The following ERBB4 variants were observed in gnomAD, a reference collection of about 807,000 sequenced individuals.
The protein encoded by ERBB4 is receptor tyrosine-protein kinase erbB-4.
In ERBB4, 42 loss-of-function variants were observed where a neutral mutation model predicts 158.0. The observed-to-expected ratio is 0.27, with a 90% confidence interval of 0.21 to 0.34. The LOEUF is 0.34. Ranked by LOEUF, ERBB4 falls within the 10% of genes least tolerant of loss-of-function variation. ERBB4 has a pLI of 1.00. For synonymous variants in ERBB4, 583 were observed against 558.7 expected (o/e 1.04, Z -0.61); for missense variants, 1,333 against 1,624.1 (o/e 0.82, Z 3.08).
chr2:212,432,099 T>C (rs1329545227), intron 1 of ERBB4, among the ~76,000 whole-genome samples: 1 of 152,196 alleles, frequency 6.6e-6, no homozygotes, highest in Non-Finnish European at 1.5e-5. Context: ...GACCTCACTG[T>C]CATTTTGTAA....
At chr2:211,400,071 A>C (rs1403100751) in intron 25 of ERBB4, among the ~76,000 whole-genome samples, 2 of 152,186 alleles carry the variant, frequency 1.3e-5, no homozygotes, top group Non-Finnish European at 2.9e-5. Flanking sequence ...AAAATTACAG[A>C]GTATGAGTCT....
chr2:212,055,601 A>T (rs2077537710), intron 2 of ERBB4, among the ~76,000 whole-genome samples: 2 of 152,226 alleles, frequency 1.3e-5, no homozygotes, highest in South Asian at 4.1e-4. Flanking sequence ...ACAATCAGGC[A>T]GCAACGTTTG....
chr2:211,616,651 T>C (rs1229251402), intron 19 of ERBB4, among the ~76,000 whole-genome samples: 2 of 152,158 alleles, frequency 1.3e-5, no homozygotes, highest in African/African-American at 4.8e-5. Context: ...CTGCATTAGA[T>C]ACTAAATTCA....
chr2:212,353,058 C>G (rs1049648948), intron 1 of ERBB4, among the ~76,000 whole-genome samples: 2 of 151,978 alleles, frequency 1.3e-5, no homozygotes, highest in East Asian at 3.9e-4. Context: ...ATACTGGAAA[C>G]TTTCCCTACC....
intron 3 of ERBB4, among the ~76,000 whole-genome samples, chr2:211,913,768 G>T (rs2079607773): frequency 6.6e-6 from 1 of 150,926 alleles, no homozygotes. Flanking sequence ...AAAAATGAAA[G>T]AACTGAATGC....
At chr2:211,608,998 T>C (rs949307146) in intron 19 of ERBB4, among the ~76,000 whole-genome samples, 1 of 152,068 alleles carries the variant, frequency 6.6e-6, no homozygotes, top group Non-Finnish European at 1.5e-5. Flanking sequence ...GAGAACCATT[T>C]TACTAACTAT....
intron 1 of ERBB4, among the ~76,000 whole-genome samples, chr2:212,366,653 A>G (rs2089900216): frequency 6.6e-6 from 1 of 152,032 alleles, no homozygotes; most frequent in South Asian, 2.1e-4. Flanking sequence ...ACAATCACCA[A>G]TAAAACATAA....
chr2:211,627,075 T>C (rs1201985167), intron 17 of ERBB4, among the ~76,000 whole-genome samples: 1 of 152,124 alleles, frequency 6.6e-6, no homozygotes, highest in Non-Finnish European at 1.5e-5. Context: ...TTCACGGCAA[T>C]GAGCCTTCCC....
At chr2:211,808,345 G>T (rs755818701) in intron 3 of ERBB4, among the ~76,000 whole-genome samples, 1 of 152,032 alleles carries the variant, frequency 6.6e-6, no homozygotes, top group Admixed American at 6.6e-5. Context: ...TTCTACATAT[G>T]GCTAGCCAGT....
At chr2:211,659,944 AG>A (rs1233323594) in intron 15 of ERBB4, among the ~76,000 whole-genome samples, 1 of 152,132 alleles carries the variant, frequency 6.6e-6, no homozygotes. Context: ...TAACCCTCTT[AG>A]GGGAGGTAAG....
At chr2:212,415,144 G>C (rs1057284871) in intron 1 of ERBB4, among the ~76,000 whole-genome samples, 1 of 152,052 alleles carries the variant, frequency 6.6e-6, no homozygotes, top group African/African-American at 2.4e-5. Flanking sequence ...CGTCACTTAC[G>C]TACTTTGGTA....
chr2:212,460,398 G>C (rs1688510582), intron 1 of ERBB4, among the ~76,000 whole-genome samples: 1 of 152,182 alleles, frequency 6.6e-6, no homozygotes, highest in Admixed American at 6.5e-5. Flanking sequence ...GGAAAGTTTG[G>C]AACTTCGTAG....
intron 1 of ERBB4, among the ~76,000 whole-genome samples, chr2:212,269,895 G>A (rs1342208180): frequency 1.3e-5 from 2 of 151,778 alleles, no homozygotes; most frequent in African/African-American, 2.4e-5. Flanking sequence ...GTAACACCAA[G>A]TGCCTCTAAG....
intron 11 of ERBB4, 52 bp from the exon 12 acceptor site, chr2:211,702,218 AATAAG>A: frequency 7.7e-7 from 1 of 1,302,628 alleles, no homozygotes; most frequent in Non-Finnish European, 1.1e-6. Flanking sequence ...TCCGGAGTAA[AATAAG>A]GCTGTCACAT....
chr2:211,960,710 C>G (rs1307603971), intron 2 of ERBB4: 1 of 152,048 alleles, frequency 6.6e-6, no homozygotes, highest in Non-Finnish European at 1.5e-5. Flanking sequence ...TGTTTTCACA[C>G]AGCAGAAGGG....
intron 2 of ERBB4, among the ~76,000 whole-genome samples, chr2:212,061,707 GTTTC>G (rs1387787622): frequency 3.4e-5 from 5 of 146,326 alleles, no homozygotes; most frequent in Non-Finnish European, 6.1e-5. Flanking sequence ...ATTGCAGATT[GTTTC>G]TTTCTTTCTT....
chr2:211,651,007 C>T (rs1415451933), intron 16 of ERBB4, among the ~76,000 whole-genome samples: 1 of 152,116 alleles, frequency 6.6e-6, no homozygotes, highest in Non-Finnish European at 1.5e-5. Context: ...GAGAGACTTA[C>T]AGGTCTGATG....
At chr2:211,421,762 T>C (rs895076346) in intron 24 of ERBB4, among the ~76,000 whole-genome samples, 2 of 152,086 alleles carry the variant, frequency 1.3e-5, no homozygotes, top group African/African-American at 2.4e-5. Context: ...GACCTCTTTA[T>C]GTATATGTAT....
In ERBB4 at chr2:212,446,594, T is replaced by TGG. The variant is rs1318195949; in HGVS notation, c.82+91854_82+91855insCC. ...ATAAACTCCCATATATATATATGTATATATATATATATATATATATATATA... is the reference window on the plus strand; with the variant it reads ...ATAAACTCCCATATATATATATGTATGGATATATATATATATATATATATATA... On this transcript the variant is annotated intron_variant, in intron 1 of 27. Transcript: ENST00000342788. 6.6e-3 allele frequency among the ~76,000 whole-genome samples: 95 copies of TGG among 14,310 alleles called. 6 individuals carry two copies. The highest frequency in any genetic ancestry group is 0.035 in the African/African-American group (94 of 2,678). The allele number at this position is 14,310 out of a possible 152,430, so 9.4% of individuals were successfully genotyped here.
Sources: gnomAD v4.1 joint callset for allele counts (sites outside exome capture counted in the v4.1 genomes callset) on GRCh38, gnomAD v4.1.1 for gene constraint, MANE v1.5 for transcripts, NCBI Gene and HGNC (gene_info 2026-07-23, HGNC 2026-07-21) for gene names.